FAM3C: variants seen among roughly 807,000 people sequenced by gnomAD.
The protein encoded by FAM3C is protein FAM3C.
In FAM3C, 15 loss-of-function variants were observed where a neutral mutation model predicts 32.5. That is an observed-to-expected ratio of 0.46 (90% confidence interval 0.31 to 0.71). The LOEUF (loss-of-function observed/expected upper bound fraction) is 0.71. FAM3C is among the 30% of genes least tolerant of loss of function. The pLI is 0.05. For synonymous variants in FAM3C, 75 were observed against 86.1 expected (o/e 0.87, Z 0.72); for missense variants, 175 against 274.4 (o/e 0.64, Z 2.56).
At chr7:121,390,945 A>C (rs1435816880) in intron 1 of FAM3C, among the ~76,000 whole-genome samples, 2 of 148,080 alleles carry the variant, frequency 1.4e-5, no homozygotes, top group African/African-American at 2.5e-5. Flanking sequence ...TTCTTTCTGG[A>C]ACAGTCAACC....
At chr7:121,394,343 T>G (rs941889330) in intron 1 of FAM3C, among the ~76,000 whole-genome samples, 1 of 152,246 alleles carries the variant, frequency 6.6e-6, no homozygotes, top group Admixed American at 6.5e-5. Flanking sequence ...TCATAAATTA[T>G]GAAAGATTAG....
At chr7:121,364,058 G>C (rs1793976547) in intron 6 of FAM3C, 72 bp downstream of exon 6, 1 of 979,756 alleles carries the variant, frequency 1.0e-6, no homozygotes, top group South Asian at 1.3e-5. Flanking sequence ...CTGATCCTCT[G>C]ATAGTGCATT....
intron 7 of FAM3C, 103 bp from the exon 8 acceptor site, chr7:121,360,230 T>C: frequency 1.5e-6 from 1 of 663,812 alleles, no homozygotes; most frequent in South Asian, 1.8e-5. Flanking sequence ...TGTAAAGCAA[T>C]AATTTCCAAT....
chr7:121,353,564 G>T (rs772359965), intron 8 of FAM3C, among the ~76,000 whole-genome samples: 57 of 152,316 alleles, frequency 3.7e-4, no homozygotes, highest in Non-Finnish European at 7.5e-4. Flanking sequence ...AAACTGATAA[G>T]AATGGTTCAT....
At chr7:121,378,368 A>G (rs969168934) in intron 3 of FAM3C, among the ~76,000 whole-genome samples, 1 of 151,932 alleles carries the variant, frequency 6.6e-6, no homozygotes, top group Non-Finnish European at 1.5e-5. Flanking sequence ...CCCAGGCTGG[A>G]GTGCAGTATG....
intron 3 of FAM3C, among the ~76,000 whole-genome samples, chr7:121,374,688 T>C (rs372479149): frequency 1.3e-5 from 2 of 152,202 alleles, no homozygotes; most frequent in Non-Finnish European, 2.9e-5. Flanking sequence ...ATTCAACAGA[T>C]TGGCAACCAG....
chr7:121,394,766 A>C (rs945908903), intron 1 of FAM3C, among the ~76,000 whole-genome samples: 2 of 152,208 alleles, frequency 1.3e-5, no homozygotes, highest in African/African-American at 4.8e-5. Flanking sequence ...GCCTCTAGAA[A>C]GAGGTACAGG....
chr7:121,361,039 T>C (rs1472779216), intron 7 of FAM3C, among the ~76,000 whole-genome samples: 1 of 152,204 alleles, frequency 6.6e-6, no homozygotes, highest in Non-Finnish European at 1.5e-5. Context: ...AGGAATATGT[T>C]AGGTGATCAC....
intron 2 of FAM3C, 63 bp downstream of exon 2, chr7:121,382,894 T>C: frequency 8.3e-7 from 1 of 1,205,822 alleles, no homozygotes; most frequent in Non-Finnish European, 1.2e-6. Flanking sequence ...TCTCCTTTAG[T>C]TATTCTTTAA....
intron 3 of FAM3C, among the ~76,000 whole-genome samples, chr7:121,374,960 C>T (rs2536152): frequency 0.033 from 5,013 of 152,264 alleles, 304 homozygotes; most frequent in African/African-American, 0.11. Context: ...TCCTAATTCT[C>T]TGTTACCTAC....
chr7:121,395,292 CATACATATATATGG>C (rs1794664529), intron 1 of FAM3C, among the ~76,000 whole-genome samples: 1 of 147,598 alleles, frequency 6.8e-6, no homozygotes, highest in Admixed American at 6.7e-5. Flanking sequence ...TATATGGATA[CATACATATATATGG>C]ATACATACAT....
intron 3 of FAM3C, among the ~76,000 whole-genome samples, chr7:121,375,334 G>A (rs1794218994): frequency 6.6e-6 from 1 of 152,148 alleles, no homozygotes; most frequent in South Asian, 2.1e-4. Flanking sequence ...GGACAGGAGG[G>A]GATTTGAAGC....
intron 5 of FAM3C, among the ~76,000 whole-genome samples, chr7:121,367,579 CA>C (rs1297235142): frequency 3.3e-5 from 5 of 151,928 alleles, no homozygotes; most frequent in Admixed American, 6.6e-5. Context: ...CCATTAAAAT[CA>C]AAAGTAATGA....
At chr7:121,358,783 CAT>C (rs1268696727) in intron 8 of FAM3C, among the ~76,000 whole-genome samples, 1 of 151,910 alleles carries the variant, frequency 6.6e-6, no homozygotes, top group African/African-American at 2.4e-5. Context: ...TAGAAAAATA[CAT>C]AGACTATATA....
At chr7:121,382,124 T>C (rs1410126379) in intron 2 of FAM3C, among the ~76,000 whole-genome samples, 1 of 152,202 alleles carries the variant, frequency 6.6e-6, no homozygotes, top group Non-Finnish European at 1.5e-5. Flanking sequence ...GCATTTCTTC[T>C]AGGGCTTTGG....
At chr7:121,356,291 T>C (rs1222257431) in intron 8 of FAM3C, among the ~76,000 whole-genome samples, 1 of 152,016 alleles carries the variant, frequency 6.6e-6, no homozygotes, top group Non-Finnish European at 1.5e-5. Context: ...AATAATCAAC[T>C]AGAGAATGCC....
At chr7:121,351,534 A>T in intron 8 of FAM3C, 1 of 350,200 alleles carries the variant, frequency 2.9e-6, no homozygotes, top group South Asian at 6.7e-5. Flanking sequence ...CCTTCATTTA[A>T]CTTTTTAAAT....
At chr7:121,381,613 C>T (rs961605052) in intron 2 of FAM3C, among the ~76,000 whole-genome samples, 1 of 151,422 alleles carries the variant, frequency 6.6e-6, no homozygotes, top group African/African-American at 2.4e-5. Flanking sequence ...CATCTGGAGA[C>T]ATGACATCAT....
chr7:121,357,315 G>T (rs2707505), intron 8 of FAM3C, among the ~76,000 whole-genome samples: 38,786 of 152,002 alleles, frequency 0.26, 5,930 homozygotes, highest in African/African-American at 0.44. Context: ...GACATTCAGT[G>T]TACGCACTTA....
Sources: gnomAD v4.1 joint callset for allele counts (sites outside exome capture counted in the v4.1 genomes callset) on GRCh38, gnomAD v4.1.1 for gene constraint, MANE v1.5 for transcripts, NCBI Gene and HGNC (gene_info 2026-07-23, HGNC 2026-07-21) for gene names.